CNST: variants seen among roughly 807,000 people sequenced by gnomAD.
CNST encodes the protein consortin.
CNST carries 39 observed loss-of-function variants against 72.4 expected under a neutral mutation model. The ratio of observed to expected loss-of-function variants is 0.54; its 90% CI spans 0.42 to 0.70. The LOEUF (loss-of-function observed/expected upper bound fraction) is 0.70. Ranked by LOEUF, CNST falls within the 30% of genes least tolerant of loss-of-function variation. The pLI, the probability that CNST is intolerant of heterozygous loss-of-function variation, is 0.00. For missense variants in CNST, 871 were observed against 868.5 expected (o/e 1.00, Z -0.04); for synonymous variants, 332 against 320.1 (o/e 1.04, Z -0.40).
chr1:246,663,825 C>A (rs761183162), intron 10 of CNST, among the ~76,000 whole-genome samples: 1 of 151,992 alleles, frequency 6.6e-6, no homozygotes, highest in East Asian at 1.9e-4. Context: ...TGAAATCATA[C>A]GTGTTTGATC....
chr1:246,615,151 CTT>C (rs1159999915), intron 2 of CNST, among the ~76,000 whole-genome samples: 1 of 152,132 alleles, frequency 6.6e-6, no homozygotes. Flanking sequence ...TTTCCCCAGT[CTT>C]TGGCCCATGG....
At chr1:246,618,533 C>T (rs958058331) in intron 2 of CNST, among the ~76,000 whole-genome samples, 1 of 151,652 alleles carries the variant, frequency 6.6e-6, no homozygotes. Flanking sequence ...CCCCTCTGAG[C>T]CTAGATCATA....
At chr1:246,635,831 G>A (rs539717896) in intron 6 of CNST, among the ~76,000 whole-genome samples, 5 of 152,302 alleles carry the variant, frequency 3.3e-5, no homozygotes, top group Admixed American at 6.5e-5. Context: ...GAGGCCACTC[G>A]TCCTCTCACG....
chr1:246,634,087 C>A, intron 5 of CNST, 77 bp downstream of exon 5: 3 of 944,464 alleles, frequency 3.2e-6, no homozygotes, highest in South Asian at 2.8e-5. Context: ...ACATATTTGA[C>A]CTGGTTTTAT....
chr1:246,660,654 G>A (rs940343804), intron 10 of CNST, among the ~76,000 whole-genome samples: 1 of 152,146 alleles, frequency 6.6e-6, no homozygotes, highest in Non-Finnish European at 1.5e-5. Context: ...GAACCCGGGA[G>A]ACAGGTTACA....
intron 10 of CNST, among the ~76,000 whole-genome samples, chr1:246,660,834 T>C (rs1329330320): frequency 6.6e-6 from 1 of 152,358 alleles, no homozygotes; most frequent in East Asian, 1.9e-4. Context: ...TCTAAATCTT[T>C]ACTTGCTTAA....
rs1326734677 is a variant in CNST, at chr1:246,647,122, T to C, written c.938-17T>C. ...GTTGTTTTGAATTTTTAACAATTTA[T>C]TTTTCTTCATCTTTAGAGAGTAAAA... On this transcript the variant is annotated splice_polypyrimidine_tract_variant and intron_variant, in intron 8 of 10. Coordinates refer to ENST00000366513, the MANE Select transcript of CNST (RefSeq NM_152609.3). The C allele has an allele frequency of 3.2e-6, 5 of 1,584,146 alleles. No individual in the cohort carries two copies. Among genetic ancestry groups the C allele is most frequent in the Non-Finnish European group, 4.3e-6 (5 of 1,167,318 alleles).
At chr1:246,594,722 T>TC in intron 2 of CNST, among the ~76,000 whole-genome samples, 1 of 152,158 alleles carries the variant, frequency 6.6e-6, no homozygotes, top group East Asian at 1.9e-4. Flanking sequence ...TGAGCCAAGA[T>TC]CCTGCCACTG....
chr1:246,622,153 A>G (rs1477086735), intron 3 of CNST, among the ~76,000 whole-genome samples: 3 of 152,238 alleles, frequency 2.0e-5, no homozygotes, highest in Non-Finnish European at 4.4e-5. Context: ...TGGCTAATCC[A>G]TAGTTTAAAC....
At position 246,583,057 on chromosome 1, in the gene CNST, G is replaced by A. The variant is rs1660903049; in HGVS notation, c.-51-8455G>A. 2.0e-5 allele frequency among the ~76,000 whole-genome samples: 3 copies of A among 152,140 alleles called. No homozygotes were observed. The South Asian group carries it at 6.2e-4, about 32-fold the overall frequency. On this transcript the variant is annotated intron_variant, in intron 1 of 10. Coordinates refer to ENST00000366513, the MANE Select transcript of CNST (RefSeq NM_152609.3). ...TGTTTCTTGGGCAGGGGGGCCTGTA[G>A]GTATAGAAATGGATACTACCAATTG...
chr1:246,632,066 T>C, intron 4 of CNST, 142 bp downstream of exon 4: 1 of 547,836 alleles, frequency 1.8e-6, no homozygotes, highest in Non-Finnish European at 3.2e-6. Context: ...TGTACCCGTG[T>C]AACCACCTCA....
chr1:246,647,588 C>T lies in CNST; in HGVS notation c.1387C>T (p.Pro463Ser). 1.9e-6 allele frequency: 3 copies of T among 1,614,204 alleles called. No individual in the cohort carries two copies. Among genetic ancestry groups the T allele is most frequent in the South Asian group, 1.1e-5 (1 of 91,084 alleles). Residue 463 changes from proline (P) to serine (S), a missense_variant, in exon 9 of 11, where the codon CCA becomes TCA. Transcript: ENST00000366513. Reference sequence around the variant, plus strand: ...GGCTCAGAGGAAAGAACTCCGTTTGCCACTTCGGGATGCTTCTGAGGCGTT... The same window carrying T: ...GGCTCAGAGGAAAGAACTCCGTTTGTCACTTCGGGATGCTTCTGAGGCGTT... ...SQAQRKELRL[P>S]LRDASEALPT...
chr1:246,657,782 C>A (rs1312288162), intron 9 of CNST, among the ~76,000 whole-genome samples: 1 of 152,210 alleles, frequency 6.6e-6, no homozygotes, highest in East Asian at 1.9e-4. Context: ...TTGGCTCATT[C>A]TGTGCCTTTC....
intron 1 of CNST, among the ~76,000 whole-genome samples, chr1:246,585,701 ACACACACACACT>A (rs1661122035): frequency 7.0e-6 from 1 of 142,660 alleles, no homozygotes; most frequent in Non-Finnish European, 1.5e-5. Flanking sequence ...ACACACACAC[ACACACACACACT>A]ATATATGTAT....
At position 246,631,920 on chromosome 1, in the gene CNST, G is replaced by A. The variant is rs1356849385; in HGVS notation, c.612G>A (p.Glu204=). The change falls in exon 4 of 11, where the codon GAG becomes GAA. Residue 204 remains glutamate (E), a synonymous_variant. Coordinates refer to ENST00000366513, the MANE Select transcript of CNST (RefSeq NM_152609.3). ...TAGCAGAATCCTATTTCCAGGAGGA[G>A]GACTGTATCCTTTTCTTAATTACAG... ...HQIAESYFQE[E]DYEKAMKFIQ... 4 of 1,544,040 alleles carry A rather than the reference G, an allele frequency of 2.6e-6. No homozygotes were observed. Among genetic ancestry groups the A allele is most frequent in the Non-Finnish European group, 3.5e-6 (4 of 1,131,202 alleles).
At chr1:246,645,541 C>T (rs1216556235) in intron 8 of CNST, among the ~76,000 whole-genome samples, 2 of 150,814 alleles carry the variant, frequency 1.3e-5, no homozygotes, top group Non-Finnish European at 2.9e-5. Flanking sequence ...CATTCTCCTG[C>T]CTCAGCCTCC....
At chr1:246,584,686 C>T (rs577076488) in intron 1 of CNST, among the ~76,000 whole-genome samples, 18 of 152,194 alleles carry the variant, frequency 1.2e-4, no homozygotes, top group Admixed American at 2.6e-4. Context: ...TAGACCGTCC[C>T]GGCAGCCCTG....
In CNST at chr1:246,638,388, G is replaced by C. The variant is rs545002153; in HGVS notation, c.819-3361G>C. Among the ~76,000 whole-genome samples, 3 of 152,270 alleles carry C rather than the reference G, an allele frequency of 2.0e-5. No homozygotes were observed. In the South Asian group the frequency reaches 6.2e-4, roughly 32 times the overall value. On this transcript the variant is annotated intron_variant, in intron 6 of 10. Transcript: ENST00000366513. ...GATTGTCTGGGGTTTGGTGGCCCCT[G>C]CAATGAATGACGGCAGCTTTCTGCA...
intron 9 of CNST, among the ~76,000 whole-genome samples, chr1:246,659,155 A>T (rs1666927277): frequency 6.6e-6 from 1 of 152,208 alleles, no homozygotes; most frequent in African/African-American, 2.4e-5. Flanking sequence ...AGAACCGCAC[A>T]GTGCCATTGT....
Sources: allele counts gnomAD v4.1 joint callset (sites outside exome capture counted in the v4.1 genomes callset), GRCh38; gene constraint gnomAD v4.1.1; transcripts MANE v1.5; gene names NCBI Gene and HGNC (gene_info 2026-07-23, HGNC 2026-07-21).